The following EML4 variants were observed in gnomAD, a reference collection of about 807,000 sequenced individuals.
EML4 encodes the protein EMAP like 4, also known as echinoderm microtubule-associated protein-like 4.
In EML4, 72 loss-of-function variants were observed where a neutral mutation model predicts 129.0. The observed-to-expected ratio is 0.56, with a 90% CI of 0.46 to 0.68. The LOEUF is 0.68. Ranked by LOEUF, EML4 falls within the 30% of genes least tolerant of loss-of-function variation. The pLI, the probability that EML4 is intolerant of heterozygous loss-of-function variation, is 0.00. For missense variants in EML4, 1,363 were observed against 1,190.6 expected (o/e 1.14, Z -2.13); for synonymous variants, 532 against 405.0 (o/e 1.31, Z -3.77).
intron 1 of EML4, among the ~76,000 whole-genome samples, chr2:42,178,561 A>ATGAACCT (rs1670751104): frequency 6.6e-6 from 1 of 152,166 alleles, no homozygotes; most frequent in Non-Finnish European, 1.5e-5. Flanking sequence ...AATAAGAAAG[A>ATGAACCT]GGATTTTCCT....
chr2:42,284,428 TA>T (rs1344142960), intron 8 of EML4, among the ~76,000 whole-genome samples: 6 of 152,226 alleles, frequency 3.9e-5, no homozygotes, highest in African/African-American at 1.2e-4. Flanking sequence ...AGTGTTTCAT[TA>T]ATCTGTGCAG....
At chr2:42,236,165 T>TTTTGTATG (rs1298259203) in intron 1 of EML4, among the ~76,000 whole-genome samples, 3 of 152,248 alleles carry the variant, frequency 2.0e-5, no homozygotes, top group Non-Finnish European at 4.4e-5. Context: ...TATTATTTAC[T>TTTTGTATG]TTTGTATGTT....
At chr2:42,278,744 A>T (rs2104452050) in intron 6 of EML4, among the ~76,000 whole-genome samples, 1 of 151,564 alleles carries the variant, frequency 6.6e-6, no homozygotes, top group Admixed American at 6.6e-5. Context: ...GATCAGCCTG[A>T]CCAACATGGT....
intron 7 of EML4, among the ~76,000 whole-genome samples, chr2:42,282,139 T>C (rs1292025982): frequency 6.6e-6 from 1 of 151,578 alleles, no homozygotes; most frequent in Non-Finnish European, 1.5e-5. Flanking sequence ...CCTAGCAGTC[T>C]TTTTTTTACC....
chr2:42,264,999 T>TG, intron 6 of EML4: 1 of 1,516,612 alleles, frequency 6.6e-7, no homozygotes. Context: ...AATTTTTTCC[T>TG]GGATCTCTTA....
chr2:42,202,637 G>A (rs1218677155), intron 1 of EML4, among the ~76,000 whole-genome samples: 1 of 152,152 alleles, frequency 6.6e-6, no homozygotes, highest in Non-Finnish European at 1.5e-5. Context: ...GAAAGATGGA[G>A]GCCAGAAGAC....
intron 1 of EML4, among the ~76,000 whole-genome samples, chr2:42,193,339 C>A (rs1671711248): frequency 6.6e-6 from 1 of 152,196 alleles, no homozygotes; most frequent in Non-Finnish European, 1.5e-5. Flanking sequence ...TGACACATGT[C>A]TGTACTGCAA....
chr2:42,288,310 A>G lies in EML4; in HGVS notation c.1206A>G (p.Gly402=). The G allele has an allele frequency of 6.5e-7, 1 of 1,548,220 alleles. No homozygotes were observed. Among genetic ancestry groups the G allele is most frequent in the Non-Finnish European group, 8.9e-7 (1 of 1,127,104 alleles). Residue 402 remains glycine (G), a synonymous_variant, in exon 11 of 23, where the codon GGA becomes GGG. Transcript: ENST00000318522. The stretch of plus-strand genomic sequence containing the variant: ...GGGACTGGCAGAAGAAAGCAAAAGG[A>G]GCAGAAATAAAGGTAAATTTTTAAA... The part of the protein sequence containing the change: ...TVWDWQKKAK[G]AEIKTTNEVV...
At chr2:42,175,401 C>T (rs1294260910) in intron 1 of EML4, among the ~76,000 whole-genome samples, 2 of 152,210 alleles carry the variant, frequency 1.3e-5, no homozygotes, top group African/African-American at 4.8e-5. Flanking sequence ...ACGTGAGCCA[C>T]CGCACCTGGC....
At chr2:42,260,199 G>A (rs1050044465) in intron 3 of EML4, among the ~76,000 whole-genome samples, 3 of 151,694 alleles carry the variant, frequency 2.0e-5, no homozygotes, top group Non-Finnish European at 2.9e-5. Context: ...ATGGAGTCTC[G>A]CACTGTCATC....
intron 19 of EML4, among the ~76,000 whole-genome samples, chr2:42,324,572 T>A (rs1251820001): frequency 6.6e-6 from 1 of 152,166 alleles, no homozygotes; most frequent in African/African-American, 2.4e-5. Flanking sequence ...TGAGCCATGA[T>A]AGCACCATTG....
At chr2:42,174,405 C>T (rs1489449213) in intron 1 of EML4, among the ~76,000 whole-genome samples, 2 of 152,064 alleles carry the variant, frequency 1.3e-5, no homozygotes, top group Non-Finnish European at 2.9e-5. Flanking sequence ...ATTCTCCTGC[C>T]TCAGCCTCCT....
chr2:42,285,473 A>G (rs1157773501), intron 9 of EML4, among the ~76,000 whole-genome samples: 1 of 152,202 alleles, frequency 6.6e-6, no homozygotes, highest in Non-Finnish European at 1.5e-5. Flanking sequence ...AGGGCTGTTT[A>G]GCAGTTTATT....
chr2:42,169,940 C>T (rs765370111), intron 1 of EML4: 66 of 342,456 alleles, frequency 1.9e-4, no homozygotes, highest in Admixed American at 3.9e-4. Flanking sequence ...GCACACCCCT[C>T]CCCGTACACT....
chr2:42,213,433 A>G (rs534424999), intron 1 of EML4, among the ~76,000 whole-genome samples: 176 of 152,358 alleles, frequency 1.2e-3, no homozygotes, highest in Admixed American at 1.9e-3. Flanking sequence ...TTTTATGAAT[A>G]TATCATAGTC....
chr2:42,273,150 T>C (rs962056567), intron 6 of EML4, among the ~76,000 whole-genome samples: 4 of 152,170 alleles, frequency 2.6e-5, no homozygotes, highest in Admixed American at 6.5e-5. Context: ...TGAAAAGCTT[T>C]TTCATTTATT....
At position 42,301,235 on chromosome 2, in the gene EML4, T is replaced by C. The variant is rs750338547; in HGVS notation, c.1490-6T>C. 2 of 1,605,986 alleles carry C rather than the reference T, an allele frequency of 1.2e-6. No homozygotes were observed. Among genetic ancestry groups the C allele is most frequent in the Non-Finnish European group, 1.7e-6 (2 of 1,176,962 alleles). On this transcript the variant is annotated splice_polypyrimidine_tract_variant and splice_region_variant and intron_variant, in intron 13 of 22. Coordinates refer to ENST00000318522, the MANE Select transcript of EML4 (RefSeq NM_019063.5). ...CACTAGTGTTTTTATTTTTCCCTCATATTAGGTGTATATCAAATCAGCAAA... is the reference window on the plus strand; with the variant it reads ...CACTAGTGTTTTTATTTTTCCCTCACATTAGGTGTATATCAAATCAGCAAA...
chr2:42,311,842 T>C (rs895087215), intron 17 of EML4, among the ~76,000 whole-genome samples: 1 of 152,214 alleles, frequency 6.6e-6, no homozygotes, highest in Admixed American at 6.5e-5. Flanking sequence ...GTATGTCTTA[T>C]GTGCTTTTTT....
At chr2:42,171,109 C>G (rs1370778036) in intron 1 of EML4, among the ~76,000 whole-genome samples, 1 of 152,172 alleles carries the variant, frequency 6.6e-6, no homozygotes, top group Non-Finnish European at 1.5e-5. Context: ...TCTTGTAATT[C>G]CTTACTTAGG....
Sources: gnomAD v4.1 joint callset for allele counts (sites outside exome capture counted in the v4.1 genomes callset) on GRCh38, gnomAD v4.1.1 for gene constraint, MANE v1.5 for transcripts, NCBI Gene and HGNC (gene_info 2026-07-23, HGNC 2026-07-21) for gene names.